GORASP2: variants seen among roughly 807,000 people sequenced by gnomAD.
GORASP2 encodes the protein golgi reassembly stacking protein 2, also known as Golgi reassembly-stacking protein 2.
In GORASP2, 22 loss-of-function variants were observed where a neutral mutation model predicts 45.7. That is an observed-to-expected ratio of 0.48 (90% confidence interval 0.34 to 0.69). GORASP2 has a LOEUF of 0.69. GORASP2 is among the 30% of genes least tolerant of loss of function. The pLI, the probability that GORASP2 is intolerant of heterozygous loss-of-function variation, is 0.01. For missense variants in GORASP2, 491 were observed against 562.7 expected (o/e 0.87, Z 1.29); for synonymous variants, 221 against 215.6 (o/e 1.02, Z -0.22).
chr2:170,941,415 G>A (rs1393991703), intron 1 of GORASP2, among the ~76,000 whole-genome samples: 3 of 152,122 alleles, frequency 2.0e-5, no homozygotes, highest in Non-Finnish European at 4.4e-5. Flanking sequence ...GATACAGGGA[G>A]CATCTTTTAA....
At position 170,956,575 on chromosome 2, in the gene GORASP2, T is replaced by C. The variant is rs1704432557; in HGVS notation, c.823+16T>C. Reference sequence around the variant, plus strand: ...CTCAGTACAGGTGTGCAGAAAAATATATTCTGTTTTCAGTCTATTTTATGT... The same window carrying C: ...CTCAGTACAGGTGTGCAGAAAAATACATTCTGTTTTCAGTCTATTTTATGT... On this transcript the variant is annotated intron_variant, in intron 7 of 9. Transcript: ENST00000234160. The C allele has an allele frequency of 6.3e-7, 1 of 1,588,426 alleles. No individual in the cohort carries two copies. The highest frequency in any genetic ancestry group is 1.2e-5 in the South Asian group (1 of 86,196).
chr2:170,939,813 G>T (rs1485100858), intron 1 of GORASP2, among the ~76,000 whole-genome samples: 1 of 152,090 alleles, frequency 6.6e-6, no homozygotes, highest in East Asian at 1.9e-4. Flanking sequence ...GAGGATTTAG[G>T]ATTTCTTTTT....
intron 1 of GORASP2, among the ~76,000 whole-genome samples, chr2:170,942,841 C>T (rs950519339): frequency 6.6e-6 from 1 of 152,124 alleles, no homozygotes; most frequent in African/African-American, 2.4e-5. Context: ...TATGAGTGTT[C>T]CATTTTCTCC....
intron 1 of GORASP2, among the ~76,000 whole-genome samples, chr2:170,939,467 A>G (rs571914319): frequency 6.6e-6 from 1 of 152,326 alleles, no homozygotes; most frequent in Non-Finnish European, 1.5e-5. Flanking sequence ...CTCCTTATCC[A>G]CAGTTTGACT....
At chr2:170,953,584 G>A (rs962524797) in intron 5 of GORASP2, among the ~76,000 whole-genome samples, 7 of 152,086 alleles carry the variant, frequency 4.6e-5, no homozygotes, top group African/African-American at 1.7e-4. Context: ...TAAATACCAC[G>A]GTCAGGACTT....
chr2:170,940,777 T>C (rs1704057965), intron 1 of GORASP2, among the ~76,000 whole-genome samples: 2 of 152,298 alleles, frequency 1.3e-5, no homozygotes, highest in African/African-American at 2.4e-5. Flanking sequence ...ACATACTACA[T>C]TTCATGAAGA....
In GORASP2 at chr2:170,965,644, A is replaced by G. The variant is rs1006967447; in HGVS notation, c.1019-146A>G. ...AATAGTTAACCCTGCCAGGGCCTCT[A>G]TCTGGAAATCAGCCAAGGTTGTGAT... On this transcript the variant is annotated intron_variant, in intron 9 of 9. Transcript: ENST00000234160. 1.7e-5 allele frequency: 11 copies of G among 644,644 alleles called. No individual in the cohort carries two copies. The African/African-American group carries it at 2.0e-4, about 12-fold the overall frequency. 39.9% of individuals were successfully genotyped at this position (644,644 alleles called of 1,614,324 possible). A position where few individuals can be genotyped will look rare whatever the true frequency, so the allele number is the denominator to read the frequency against.
chr2:170,929,897 T>G (rs755015600), intron 1 of GORASP2: 11 of 403,040 alleles, frequency 2.7e-5, no homozygotes, highest in African/African-American at 2.0e-4. Context: ...CCGAGTGGCC[T>G]GAAAGACCAG....
intron 1 of GORASP2, among the ~76,000 whole-genome samples, chr2:170,941,287 T>A (rs372008099): frequency 6.6e-6 from 1 of 152,314 alleles, no homozygotes; most frequent in African/African-American, 2.4e-5. Flanking sequence ...GCATAATTGC[T>A]CTTTAGTATT....
intron 1 of GORASP2, among the ~76,000 whole-genome samples, chr2:170,941,792 C>T (rs1227099910): frequency 6.6e-6 from 1 of 151,964 alleles, no homozygotes; most frequent in African/African-American, 2.4e-5. Context: ...CAGTTTGGGG[C>T]TTTTATAAAT....
rs1273250985 is a variant in GORASP2, at chr2:170,944,600, A to AATAGTTTAAACTTTATACTCTAAAGTTT, written c.64-3746_64-3719dup. ...TATTGGAAAATTTCCATTTCAGACA[A>AATAGTTTAAACTTTATACTCTAAAGTTT]ATAGTTTAAACTTTATACTCTAAAG... On this transcript the variant is annotated intron_variant, in intron 1 of 9. Coordinates refer to ENST00000234160, the MANE Select transcript of GORASP2 (RefSeq NM_015530.5). Among the ~76,000 whole-genome samples, 5 of 152,206 alleles carry AATAGTTTAAACTTTATACTCTAAAGTTT rather than the reference A, an allele frequency of 3.3e-5. No homozygotes were observed. In the South Asian group the frequency reaches 6.2e-4, roughly 19 times the overall value.
intron 1 of GORASP2, among the ~76,000 whole-genome samples, chr2:170,935,085 A>G (rs1253004494): frequency 6.6e-6 from 1 of 152,198 alleles, no homozygotes; most frequent in Non-Finnish European, 1.5e-5. Flanking sequence ...TTTAATAAAC[A>G]TTCTTTTAAA....
Position 170,950,030 on chromosome 2 carries a change from AT to A in GORASP2, c.349-169del, listed in dbSNP as rs2105321373. The A allele has an allele frequency of 7.5e-6, 4 of 532,510 alleles. No individual in the cohort carries two copies. In the East Asian group the frequency reaches 1.2e-4, roughly 17 times the overall value. The allele number at this position is 532,510 out of a possible 1,614,324, so 33.0% of individuals were successfully genotyped here. A position where few individuals can be genotyped will look rare whatever the true frequency, so the allele number is the denominator to read the frequency against. Reference sequence around the variant, plus strand: ...TTAAATATTTGTTAAATATTATGTAATTTTTATGCTCAGAAGTTTAAAATAT... The same window carrying A: ...TTAAATATTTGTTAAATATTATGTAATTTTATGCTCAGAAGTTTAAAATAT... On this transcript the variant is annotated intron_variant, in intron 3 of 9. Transcript: ENST00000234160.
Position 170,954,701 on chromosome 2 carries a change from A to G in GORASP2, c.618A>G (p.Pro206=). Residue 206 remains proline, a synonymous_variant, in exon 6 of 10, where the codon CCA becomes CCG. Coordinates refer to ENST00000234160, the MANE Select transcript of GORASP2 (RefSeq NM_015530.5). The part of the protein sequence containing the change: ...YGYLHRIPTR[P]FEEGKKISLP... Reference sequence around the variant, plus strand: ...ATTTGCATCGAATACCTACACGCCCATTTGAGGAAGGAAAGAAAATTTCTC... The same window carrying G: ...ATTTGCATCGAATACCTACACGCCCGTTTGAGGAAGGAAAGAAAATTTCTC... The G allele has an allele frequency of 1.2e-6, 2 of 1,613,518 alleles. No individual in the cohort carries two copies.
In GORASP2 at chr2:170,929,407, A is replaced by G. The variant is rs1403101785; in HGVS notation, c.63+4A>G. On this transcript the variant is annotated splice_donor_region_variant and intron_variant, in intron 1 of 9. Coordinates refer to ENST00000234160, the MANE Select transcript of GORASP2 (RefSeq NM_015530.5). Reference sequence around the variant, plus strand: ...CGAGGGCTACCACGTTCTGCGGGTAAGGGCTCCGACGGCGGCCGGGGAGCT... The same window carrying G: ...CGAGGGCTACCACGTTCTGCGGGTAGGGGCTCCGACGGCGGCCGGGGAGCT... 7.1e-7 allele frequency: 1 copy of G among 1,401,304 alleles called. No individual in the cohort carries two copies. The highest frequency in any genetic ancestry group is 2.9e-5 in the East Asian group (1 of 34,538). The allele number at this position is 1,401,304 out of a possible 1,614,324, so 86.8% of individuals were successfully genotyped here. A position where few individuals can be genotyped will look rare whatever the true frequency, so the allele number is the denominator to read the frequency against.
In GORASP2 at chr2:170,954,659, T is replaced by C; in HGVS notation, c.576T>C (p.Cys192=). Residue 192 remains cysteine, a synonymous_variant, in exon 6 of 10, where the codon TGT becomes TGC. Coordinates refer to ENST00000234160, the MANE Select transcript of GORASP2 (RefSeq NM_015530.5). ...AAAAATGTTTTTATAGCCTAGGATG[T>C]GGCATTGGATATGGTTATTTGCATC... ...SAWGGEGSLG[C]GIGYGYLHRI... 6.2e-7 allele frequency: 1 copy of C among 1,612,266 alleles called. No individual in the cohort carries two copies. The highest frequency in any genetic ancestry group is 8.5e-7 in the Non-Finnish European group (1 of 1,179,098).
In GORASP2 at chr2:170,930,315, G is replaced by A. The variant is rs560005131; in HGVS notation, c.63+912G>A. ...GACTTTAGAAGTAGCATTGATGGTT[G>A]TTTGCTGTGACACCTGTGTGAGTGT... On this transcript the variant is annotated intron_variant, in intron 1 of 9. Coordinates refer to ENST00000234160, the MANE Select transcript of GORASP2 (RefSeq NM_015530.5). Among the ~76,000 whole-genome samples, 46 of 152,324 alleles carry A rather than the reference G, an allele frequency of 3.0e-4. No homozygotes were observed. In the South Asian group the frequency reaches 9.5e-3, roughly 32 times the overall value.
chr2:170,951,263 G>C, intron 4 of GORASP2, 65 bp from the exon 5 acceptor site: 1 of 1,328,788 alleles, frequency 7.5e-7, no homozygotes, highest in Non-Finnish European at 1.0e-6. Flanking sequence ...CTGATAGCCA[G>C]GTTTGAGACA....
chr2:170,965,163 C>T (rs1352988282), intron 9 of GORASP2, among the ~76,000 whole-genome samples: 2 of 152,224 alleles, frequency 1.3e-5, no homozygotes, highest in Admixed American at 1.3e-4. Context: ...GATCCTCCCA[C>T]CTTGGCCTCC....
Sources: allele counts gnomAD v4.1 joint callset (sites outside exome capture counted in the v4.1 genomes callset), GRCh38; gene constraint gnomAD v4.1.1; transcripts MANE v1.5; gene names NCBI Gene and HGNC (gene_info 2026-07-23, HGNC 2026-07-21).